SPOCK1: variants seen among roughly 807,000 people sequenced by gnomAD.
The protein encoded by SPOCK1 is SPARC (osteonectin), cwcv and kazal like domains proteoglycan 1, also known as testican-1.
SPOCK1 carries 23 observed loss-of-function variants against 55.3 expected under a neutral mutation model. The observed-to-expected ratio is 0.42, with a 90% CI of 0.30 to 0.59. The LOEUF is 0.59. Ranked by LOEUF, SPOCK1 falls within the 20% of genes least tolerant of loss-of-function variation. The pLI, the probability that SPOCK1 is intolerant of heterozygous loss-of-function variation, is 0.22. For missense variants in SPOCK1, 499 were observed against 552.5 expected, an observed-to-expected ratio of 0.90 and a Z score of 0.97; for synonymous variants, 226 against 221.0, an observed-to-expected ratio of 1.02 and a Z score of -0.20.
chr5:137,469,015 T>C (rs549968195), intron 2 of SPOCK1, among the ~76,000 whole-genome samples: 40 of 152,338 alleles, frequency 2.6e-4, no homozygotes, highest in African/African-American at 9.6e-4. Context: ...AAAATAGTTT[T>C]GATAAACTGT....
intron 4 of SPOCK1, among the ~76,000 whole-genome samples, chr5:137,139,939 G>A (rs1237300563): frequency 6.6e-6 from 1 of 152,214 alleles, no homozygotes; most frequent in Non-Finnish European, 1.5e-5. Flanking sequence ...GATAGATGAT[G>A]CTGGGAGTGG....
intron 2 of SPOCK1, among the ~76,000 whole-genome samples, chr5:137,340,567 TCTTA>T (rs1388705176): frequency 6.6e-6 from 1 of 152,210 alleles, no homozygotes; most frequent in Non-Finnish European, 1.5e-5. Flanking sequence ...ATGCAGTAGA[TCTTA>T]CTTCAGTTTT....
intron 6 of SPOCK1, among the ~76,000 whole-genome samples, chr5:137,058,143 G>A (rs1204300067): frequency 6.6e-6 from 1 of 152,220 alleles, no homozygotes; most frequent in Non-Finnish European, 1.5e-5. Flanking sequence ...GACACGTGTG[G>A]AAGAGTGGGG....
chr5:137,064,549 C>A (rs1189873964), intron 6 of SPOCK1, among the ~76,000 whole-genome samples: 1 of 152,208 alleles, frequency 6.6e-6, no homozygotes, highest in East Asian at 1.9e-4. Context: ...CCACTGCCTG[C>A]AGCTTCTGGA....
intron 2 of SPOCK1, among the ~76,000 whole-genome samples, chr5:137,477,419 T>C (rs890380300): frequency 5.9e-5 from 9 of 152,160 alleles, no homozygotes; most frequent in African/African-American, 2.2e-4. Flanking sequence ...GGGAAGGCGG[T>C]TGCAGAGAAT....
intron 9 of SPOCK1, 73 bp downstream of exon 9, chr5:136,985,067 C>T (rs1750812561): frequency 2.1e-6 from 3 of 1,408,834 alleles, no homozygotes; most frequent in Non-Finnish European, 3.0e-6. Flanking sequence ...ATAACCATTG[C>T]CATGCTGATC....
chr5:137,087,113 A>C (rs962428721), intron 5 of SPOCK1, among the ~76,000 whole-genome samples: 4 of 152,224 alleles, frequency 2.6e-5, no homozygotes, highest in African/African-American at 9.6e-5. Context: ...GATACAACAA[A>C]AAGCCACCAG....
chr5:137,405,039 G>T (rs1471459688), intron 2 of SPOCK1, among the ~76,000 whole-genome samples: 1 of 152,132 alleles, frequency 6.6e-6, no homozygotes, highest in Non-Finnish European at 1.5e-5. Context: ...TAACAATTAG[G>T]AAAATAAAGA....
chr5:137,279,522 T>G (rs1396564191), intron 2 of SPOCK1, among the ~76,000 whole-genome samples: 1 of 152,156 alleles, frequency 6.6e-6, no homozygotes, highest in African/African-American at 2.4e-5. Flanking sequence ...TGCACGATCA[T>G]GCAGTCTTTG....
intron 2 of SPOCK1, among the ~76,000 whole-genome samples, chr5:137,345,648 G>GGAAATAGGGAAAAAAAAAAGATTTT: frequency 6.6e-6 from 1 of 152,126 alleles, no homozygotes; most frequent in African/African-American, 2.4e-5. Context: ...CCAAAATGTG[G>GGAAATAGGGAAAAAAAAAAGATTTT]TCCCTATAAA....
At chr5:137,270,425 G>A (rs1193193117) in intron 2 of SPOCK1, among the ~76,000 whole-genome samples, 1 of 152,214 alleles carries the variant, frequency 6.6e-6, no homozygotes, top group East Asian at 1.9e-4. Context: ...AAGGATGGCA[G>A]TGTTACTACA....
intron 3 of SPOCK1, among the ~76,000 whole-genome samples, chr5:137,177,419 C>T (rs1294504649): frequency 1.3e-5 from 2 of 152,032 alleles, no homozygotes; most frequent in Non-Finnish European, 2.9e-5. Flanking sequence ...TTGGCAACAG[C>T]TGGGTTAAAG....
intron 2 of SPOCK1, among the ~76,000 whole-genome samples, chr5:137,463,619 G>C (rs1025051185): frequency 6.6e-6 from 1 of 152,084 alleles, no homozygotes; most frequent in Non-Finnish European, 1.5e-5. Context: ...ATAGCAGGGG[G>C]ACTATAGCCA....
chr5:137,167,797 A>AT (rs1754677100), intron 3 of SPOCK1, among the ~76,000 whole-genome samples: 1 of 152,056 alleles, frequency 6.6e-6, no homozygotes, highest in South Asian at 2.1e-4. Context: ...ACCTATACCT[A>AT]TGAGTATAGC....
intron 3 of SPOCK1, among the ~76,000 whole-genome samples, chr5:137,255,404 A>T (rs1206750666): frequency 6.6e-6 from 1 of 152,246 alleles, no homozygotes; most frequent in Non-Finnish European, 1.5e-5. Context: ...CATGTGATGG[A>T]GTAACAACAT....
chr5:137,282,108 C>G (rs1337205764), intron 2 of SPOCK1, among the ~76,000 whole-genome samples: 1 of 152,176 alleles, frequency 6.6e-6, no homozygotes, highest in East Asian at 1.9e-4. Context: ...ACTTACATGC[C>G]AAACACCCAG....
intron 5 of SPOCK1, among the ~76,000 whole-genome samples, chr5:137,072,972 G>A (rs1384460124): frequency 1.3e-5 from 2 of 152,224 alleles, no homozygotes; most frequent in African/African-American, 4.8e-5. Context: ...GACTGCACCA[G>A]TCAGATGCCA....
chr5:137,063,570 C>A (rs1752438716), intron 6 of SPOCK1, among the ~76,000 whole-genome samples: 1 of 152,194 alleles, frequency 6.6e-6, no homozygotes, highest in South Asian at 2.1e-4. Context: ...ATACATCCTC[C>A]ACACTGACAT....
intron 3 of SPOCK1, among the ~76,000 whole-genome samples, chr5:137,213,828 TACAGCAAGGCCCTGGA>T (rs1755663097): frequency 2.6e-5 from 4 of 152,218 alleles, no homozygotes; most frequent in Admixed American, 2.6e-4. Flanking sequence ...TGCTGTTGTA[TACAGCAAGGCCCTGGA>T]ACCAAATCTT....
Sources: gnomAD v4.1 joint callset for allele counts (sites outside exome capture counted in the v4.1 genomes callset) on GRCh38, gnomAD v4.1.1 for gene constraint, MANE v1.5 for transcripts, NCBI Gene and HGNC (gene_info 2026-07-23, HGNC 2026-07-21) for gene names.